Variants in CDH13 observed in about 807,000 individuals in gnomAD.
CDH13 encodes cadherin 13.
Under a neutral mutation model 63.8 loss-of-function variants are expected in CDH13, and 24 were observed. That is an observed-to-expected ratio of 0.38 (90% confidence interval 0.27 to 0.53). The LOEUF (loss-of-function observed/expected upper bound fraction) is 0.53. Ranked by LOEUF, CDH13 falls within the 20% of genes least tolerant of loss-of-function variation. The pLI is 0.85. For missense variants in CDH13, 1,049 were observed against 903.1 expected, an observed-to-expected ratio of 1.16 and a Z score of -2.07; for synonymous variants, 503 against 355.3, an observed-to-expected ratio of 1.42 and a Z score of -4.67.
intron 6 of CDH13, among the ~76,000 whole-genome samples, chr16:83,403,472 A>T (rs2091998412): frequency 6.6e-6 from 1 of 152,060 alleles, no homozygotes; most frequent in African/African-American, 2.4e-5. Flanking sequence ...AAACACAAAA[A>T]ATTAGCCAGG....
chr16:82,949,621 T>C (rs1180004559), intron 2 of CDH13, among the ~76,000 whole-genome samples: 1 of 152,202 alleles, frequency 6.6e-6, no homozygotes, highest in African/African-American at 2.4e-5. Context: ...AACCAACTTA[T>C]TTGCCTTTAA....
chr16:82,826,640 G>A (rs780955584), intron 1 of CDH13: 8 of 152,168 alleles, frequency 5.3e-5, no homozygotes, highest in Non-Finnish European at 8.8e-5. Flanking sequence ...GGGAAAAGGC[G>A]AAGGGCTCCA....
At position 83,344,859 on chromosome 16, in the gene CDH13, T is replaced by C. The variant is rs2090803452; in HGVS notation, c.637-3T>C. On this transcript the variant is annotated splice_polypyrimidine_tract_variant and splice_region_variant and intron_variant, in intron 5 of 13. Coordinates refer to ENST00000567109, the MANE Select transcript of CDH13 (RefSeq NM_001257.5). ...TTCTCCCCCAATCTCTTTGCTCAAATAGCTATTTGTGGAGACCACTGATGT... is the reference window on the plus strand; with the variant it reads ...TTCTCCCCCAATCTCTTTGCTCAAACAGCTATTTGTGGAGACCACTGATGT... 9 of 1,613,600 alleles carry C rather than the reference T, an allele frequency of 5.6e-6. No homozygotes were observed. The highest frequency in any genetic ancestry group is 5.1e-6 in the Non-Finnish European group (6 of 1,179,566).
Position 83,678,339 on chromosome 16 carries a change from C to G in CDH13, c.1416C>G (p.Asn472Lys). 1.2e-6 allele frequency: 2 copies of G among 1,613,980 alleles called. No individual in the cohort carries two copies. Among genetic ancestry groups the G allele is most frequent in the Non-Finnish European group, 1.7e-6 (2 of 1,179,890 alleles). Residue 472 changes from asparagine (N) to lysine (K), a missense_variant, in exon 10 of 14, where the codon AAC (asparagine) becomes AAG (lysine). Transcript: ENST00000567109. ...TCCACATCACTGTCCTGGATGTCAA[C>G]GAGGGCCCAGTCTTCTACCCAGACC... ...ATVHITVLDV[N>K]EGPVFYPDPM...
At chr16:82,951,229 G>T (rs750073749) in intron 2 of CDH13, among the ~76,000 whole-genome samples, 2 of 152,080 alleles carry the variant, frequency 1.3e-5, no homozygotes, top group Non-Finnish European at 2.9e-5. Context: ...CTGGCAAGAG[G>T]ATATCTCCTT....
chr16:82,868,802 A>G (rs1221645886), intron 2 of CDH13, among the ~76,000 whole-genome samples: 1 of 152,212 alleles, frequency 6.6e-6, no homozygotes, highest in East Asian at 1.9e-4. Context: ...GAAATTCCCA[A>G]TTTCTGGGTA....
intron 4 of CDH13, among the ~76,000 whole-genome samples, chr16:83,198,711 A>G (rs1326259364): frequency 6.6e-6 from 1 of 152,198 alleles, no homozygotes; most frequent in South Asian, 2.1e-4. Context: ...GAATAAATAT[A>G]TAGTCTGTTG....
chr16:83,147,475 C>T (rs1247389982), intron 4 of CDH13, among the ~76,000 whole-genome samples: 2 of 152,228 alleles, frequency 1.3e-5, no homozygotes, highest in Non-Finnish European at 2.9e-5. Flanking sequence ...GACCTCAAGT[C>T]ATTTCTGATC....
intron 10 of CDH13, among the ~76,000 whole-genome samples, chr16:83,723,647 G>A (rs1222745978): frequency 2.6e-5 from 4 of 152,192 alleles, no homozygotes; most frequent in Non-Finnish European, 4.4e-5. Flanking sequence ...CAATGGGACG[G>A]CTTTCAGAGC....
At chr16:82,724,393 C>A (rs547667392) in intron 1 of CDH13, among the ~76,000 whole-genome samples, 25 of 152,196 alleles carry the variant, frequency 1.6e-4, no homozygotes, top group African/African-American at 5.1e-4. Flanking sequence ...TATGACTAGT[C>A]CTTTTTAATT....
At chr16:82,913,441 C>T (rs1056078182) in intron 2 of CDH13, among the ~76,000 whole-genome samples, 3 of 152,146 alleles carry the variant, frequency 2.0e-5, no homozygotes, top group Admixed American at 2.0e-4. Flanking sequence ...ACCTGCCCCT[C>T]CTCCTTACCC....
At chr16:83,669,843 A>C (rs1343330450) in intron 8 of CDH13, among the ~76,000 whole-genome samples, 5 of 152,184 alleles carry the variant, frequency 3.3e-5, no homozygotes, top group African/African-American at 4.8e-5. Context: ...TTGTCAGCTT[A>C]TTGGTGTTAC....
intron 10 of CDH13, among the ~76,000 whole-genome samples, chr16:83,739,677 G>A (rs1435153062): frequency 6.6e-6 from 1 of 152,212 alleles, no homozygotes. Flanking sequence ...AAGAGAGACA[G>A]GTGGCTCTTT....
At chr16:83,057,589 T>TA (rs11354363) in intron 3 of CDH13, among the ~76,000 whole-genome samples, 15,435 of 147,646 alleles carry the variant, frequency 0.1, 1,053 homozygotes, top group African/African-American at 0.19. Context: ...TTTCTATTGT[T>TA]AAAAAAAAAA....
intron 2 of CDH13, among the ~76,000 whole-genome samples, chr16:82,976,672 A>G (rs766332331): frequency 1.3e-5 from 2 of 152,152 alleles, no homozygotes; most frequent in South Asian, 4.1e-4. Flanking sequence ...TGTAGGTGAG[A>G]TTGGCACTGA....
intron 6 of CDH13, among the ~76,000 whole-genome samples, chr16:83,387,309 A>C (rs1210114004): frequency 6.6e-6 from 1 of 152,172 alleles, no homozygotes; most frequent in African/African-American, 2.4e-5. Context: ...TGTGAACTGG[A>C]AAGTTCTTAT....
chr16:83,788,334 G>A (rs1280943647), intron 13 of CDH13, among the ~76,000 whole-genome samples: 1 of 152,080 alleles, frequency 6.6e-6, no homozygotes, highest in Non-Finnish European at 1.5e-5. Context: ...CCAACCTATG[G>A]CATCAACATC....
At chr16:83,079,215 A>G (rs1031664525) in intron 3 of CDH13, among the ~76,000 whole-genome samples, 1 of 152,230 alleles carries the variant, frequency 6.6e-6, no homozygotes, top group Middle Eastern at 3.2e-3. Context: ...CTACTCAGCT[A>G]TACCAGAAGT....
At chr16:83,384,448 G>T (rs1442006675) in intron 6 of CDH13, among the ~76,000 whole-genome samples, 2 of 152,204 alleles carry the variant, frequency 1.3e-5, no homozygotes, top group East Asian at 1.9e-4. Flanking sequence ...TAGGGTCAAG[G>T]GTTAAGCCAA....
Sources: allele counts gnomAD v4.1 joint callset (sites outside exome capture counted in the v4.1 genomes callset), GRCh38; gene constraint gnomAD v4.1.1; transcripts MANE v1.5; gene names NCBI Gene and HGNC (gene_info 2026-07-23, HGNC 2026-07-21).